DCLK1: variants seen among roughly 807,000 people sequenced by gnomAD.
The protein encoded by DCLK1 is serine/threonine-protein kinase DCLK1.
Under a neutral mutation model 86.2 loss-of-function variants are expected in DCLK1, and 16 were observed. The observed-to-expected ratio is 0.19, with a 90% confidence interval of 0.13 to 0.28. The LOEUF is 0.28. DCLK1 is among the 10% of genes least tolerant of loss of function. The pLI is 1.00. For missense variants in DCLK1, 590 were observed against 940.2 expected, an observed-to-expected ratio of 0.63 and a Z score of 4.87; for synonymous variants, 369 against 370.5, an observed-to-expected ratio of 1.00 and a Z score of 0.05.
chr13:35,850,906 G>A, intron 6 of DCLK1: 1 of 687,354 alleles, frequency 1.5e-6, no homozygotes. Flanking sequence ...TCACCAACTT[G>A]GATTAGGAGG....
rs143701213 is a variant in DCLK1 at position 35,778,357 on chromosome 13, T to C, written c.2059-3658A>G. ...TCCTATGGCATCAGTAGACTCATTG[T>C]CTTCCTTTACTGGACACTTGATTTT... On this transcript the variant is annotated intron_variant, in intron 16 of 16. Coordinates refer to ENST00000360631, the MANE Select transcript of DCLK1 (RefSeq NM_001330071.2). Among the ~76,000 whole-genome samples the C allele has an allele frequency of 1.5e-3, 223 of 152,334 alleles. 1 individual carries two copies. The highest frequency in any genetic ancestry group is 2.8e-3 in the African/African-American group (116 of 41,586).
intron 15 of DCLK1, among the ~76,000 whole-genome samples, chr13:35,800,433 C>T (rs1486393949): frequency 2.0e-5 from 3 of 152,184 alleles, no homozygotes; most frequent in African/African-American, 4.8e-5. Flanking sequence ...ATTCCTCTTC[C>T]AGACGTGGCT....
At chr13:36,024,605 A>G (rs1881955370) in intron 3 of DCLK1, among the ~76,000 whole-genome samples, 1 of 152,246 alleles carries the variant, frequency 6.6e-6, no homozygotes. Context: ...ATGGGAAGAC[A>G]TCCTGTGTTC....
At chr13:36,090,847 C>A (rs367899169) in intron 3 of DCLK1, among the ~76,000 whole-genome samples, 101 of 152,134 alleles carry the variant, frequency 6.6e-4, no homozygotes, top group African/African-American at 2.0e-3. Context: ...GTGTCCCAGC[C>A]CCCACCCTAC....
chr13:35,998,467 C>T (rs1880570209), intron 3 of DCLK1, among the ~76,000 whole-genome samples: 1 of 152,074 alleles, frequency 6.6e-6, no homozygotes, highest in Non-Finnish European at 1.5e-5. Context: ...TCTTCGGGTC[C>T]CTGTTCTCCA....
intron 4 of DCLK1, among the ~76,000 whole-genome samples, chr13:35,890,321 A>C (rs959503238): frequency 1.4e-4 from 22 of 152,154 alleles, no homozygotes; most frequent in Non-Finnish European, 7.4e-5. Flanking sequence ...TTCCGGTATA[A>C]AAATGGGATA....
intron 4 of DCLK1, among the ~76,000 whole-genome samples, chr13:35,891,839 C>T (rs970799823): frequency 7.9e-5 from 12 of 152,170 alleles, no homozygotes; most frequent in Non-Finnish European, 1.5e-4. Context: ...CTCAGCTGTC[C>T]TCTTTCCCTT....
At position 35,938,069 on chromosome 13, in the gene DCLK1, T is replaced by C. The variant is rs138807037; in HGVS notation, c.823+9289A>G. Among the ~76,000 whole-genome samples, 72 of 152,270 alleles carry C rather than the reference T, an allele frequency of 4.7e-4. No individual in the cohort carries two copies. The East Asian group carries it at 0.012, about 24-fold the overall frequency. Reference sequence around the variant, plus strand: ...AGAAGACAAAGACAAGGGACTATCATTGATTTTTAGAAAAGAAAGGAGACT... The same window carrying C: ...AGAAGACAAAGACAAGGGACTATCACTGATTTTTAGAAAAGAAAGGAGACT... On this transcript the variant is annotated intron_variant, in intron 4 of 16. Transcript: ENST00000360631.
chr13:35,875,963 C>A (rs1872566384), intron 4 of DCLK1, among the ~76,000 whole-genome samples: 1 of 152,142 alleles, frequency 6.6e-6, no homozygotes, highest in Non-Finnish European at 1.5e-5. Flanking sequence ...CCCCCAGTAT[C>A]TGATGCTGTG....
intron 3 of DCLK1, among the ~76,000 whole-genome samples, chr13:36,044,319 A>T (rs568916485): frequency 3.3e-5 from 5 of 152,176 alleles, no homozygotes; most frequent in Non-Finnish European, 5.9e-5. Flanking sequence ...ATTGCTTTAT[A>T]ACAATGCAAA....
At position 36,108,185 on chromosome 13, in the gene DCLK1, T is replaced by C. The variant is rs1885471990; in HGVS notation, c.723+3684A>G. Among the ~76,000 whole-genome samples, 2 of 152,048 alleles carry C rather than the reference T, an allele frequency of 1.3e-5. 1 individual carries two copies. The highest frequency in any genetic ancestry group is 4.2e-4 in the South Asian group (2 of 4,816). On this transcript the variant is annotated intron_variant, in intron 3 of 16. Coordinates refer to ENST00000360631, the MANE Select transcript of DCLK1 (RefSeq NM_001330071.2). ...ACCTGGTGAGCAGTCACCCTGAAAGTTGCAAGGAAGAGGAGGAAGGTCGGG... is the reference window on the plus strand; with the variant it reads ...ACCTGGTGAGCAGTCACCCTGAAAGCTGCAAGGAAGAGGAGGAAGGTCGGG...
intron 3 of DCLK1, among the ~76,000 whole-genome samples, chr13:35,957,268 T>C (rs773761992): frequency 5.3e-5 from 8 of 152,152 alleles, no homozygotes; most frequent in African/African-American, 1.9e-4. Context: ...ACCCAACCCA[T>C]AAAATCTGTG....
rs977588406 is a variant in DCLK1, at chr13:35,770,616, G to C, written c.*3919C>G. 6.6e-6 allele frequency: 1 copy of C among 150,686 alleles called. No individual in the cohort carries two copies. Among genetic ancestry groups the C allele is most frequent in the Admixed American group, 6.6e-5 (1 of 15,198 alleles). 9.3% of individuals were successfully genotyped at this position (150,686 alleles called of 1,614,324 possible). A position where few individuals can be genotyped will look rare whatever the true frequency, so the allele number is the denominator to read the frequency against. ...CAACTTCAAGTCTTTTAAAATCTTT[G>C]GGCAAAAAAAAATATCATGTAGCAG... On this transcript the variant is annotated 3_prime_UTR_variant, in exon 17 of 17. Transcript: ENST00000360631.
intron 3 of DCLK1, among the ~76,000 whole-genome samples, chr13:36,044,073 C>T (rs1566657996): frequency 6.6e-6 from 1 of 152,264 alleles, no homozygotes; most frequent in South Asian, 2.1e-4. Context: ...GGTGCCCTCC[C>T]TGCAGTAATG....
chr13:35,899,171 T>A (rs1382546633), intron 4 of DCLK1, among the ~76,000 whole-genome samples: 1 of 152,162 alleles, frequency 6.6e-6, no homozygotes, highest in African/African-American at 2.4e-5. Flanking sequence ...ACAAGAACAA[T>A]GATTTCAATT....
At chr13:36,090,156 T>G (rs562371898) in intron 3 of DCLK1, among the ~76,000 whole-genome samples, 3 of 152,340 alleles carry the variant, frequency 2.0e-5, no homozygotes, top group African/African-American at 4.8e-5. Context: ...AGGAAAGTTA[T>G]TTGACATTTA....
chr13:35,817,031 T>C (rs1404698690), intron 11 of DCLK1, among the ~76,000 whole-genome samples: 4 of 152,212 alleles, frequency 2.6e-5, no homozygotes, highest in Admixed American at 2.6e-4. Flanking sequence ...TGTTATCCTC[T>C]TAACTTTGCC....
chr13:35,881,955 G>T (rs1872933472), intron 4 of DCLK1, among the ~76,000 whole-genome samples: 1 of 152,142 alleles, frequency 6.6e-6, no homozygotes, highest in Non-Finnish European at 1.5e-5. Flanking sequence ...TGCGCATAAT[G>T]GTGCACATCT....
At chr13:36,054,093 G>A (rs7324155) in intron 3 of DCLK1, among the ~76,000 whole-genome samples, 1,719 of 152,236 alleles carry the variant, frequency 0.011, 38 homozygotes, top group African/African-American at 0.039. Flanking sequence ...AACAGCCTTG[G>A]AAGATAGAGA....
Sources: gnomAD v4.1 joint callset for allele counts (sites outside exome capture counted in the v4.1 genomes callset) on GRCh38, gnomAD v4.1.1 for gene constraint, MANE v1.5 for transcripts, NCBI Gene and HGNC (gene_info 2026-07-23, HGNC 2026-07-21) for gene names.